CDC42SE2: variants seen among roughly 807,000 people sequenced by gnomAD.
CDC42SE2 encodes the protein CDC42 small effector protein 2.
Under a neutral mutation model 11.5 loss-of-function variants are expected in CDC42SE2, and 3 were observed. That is an observed-to-expected ratio of 0.26 (90% CI 0.12 to 0.67). CDC42SE2 has a LOEUF of 0.67. Among genes scored for constraint, CDC42SE2 ranks in the 30% least tolerant of loss-of-function variants. The probability of loss-of-function intolerance (pLI) is 0.80; values close to 1 mark genes in which losing one functional copy is unlikely to be tolerated. For synonymous variants in CDC42SE2, 33 were observed against 34.8 expected (o/e 0.95, Z 0.18); for missense variants, 82 against 106.8 (o/e 0.77, Z 1.02).
intron 4 of CDC42SE2, among the ~76,000 whole-genome samples, chr5:131,389,558 T>G (rs2149791231): frequency 6.6e-6 from 1 of 152,326 alleles, no homozygotes; most frequent in South Asian, 2.1e-4. Flanking sequence ...CATTTTCTGT[T>G]TTGCCATTAT....
chr5:131,369,698 A>T (rs772173495), intron 3 of CDC42SE2, among the ~76,000 whole-genome samples: 7 of 152,184 alleles, frequency 4.6e-5, no homozygotes, highest in Non-Finnish European at 1.0e-4. Context: ...TGACTTATTA[A>T]TAGGTTGTGA....
intron 2 of CDC42SE2, among the ~76,000 whole-genome samples, chr5:131,335,581 GTTA>G (rs1758536644): frequency 6.6e-6 from 1 of 152,014 alleles, no homozygotes; most frequent in African/African-American, 2.4e-5. Context: ...AAAGTCTCCC[GTTA>G]TTATCGTGTG....
chr5:131,221,801 T>C, the CDC42SE2 span, among the ~76,000 whole-genome samples: 1 of 152,196 alleles, frequency 6.6e-6, no homozygotes, highest in African/African-American at 2.4e-5. Context: ...TTTCTCATTT[T>C]TTCACCTTCA....
intron 2 of CDC42SE2, among the ~76,000 whole-genome samples, chr5:131,355,946 C>G (rs548226928): frequency 1.6e-4 from 24 of 152,250 alleles, no homozygotes; most frequent in African/African-American, 5.8e-4. Context: ...ATTTTGAGTA[C>G]AGAATACTAT....
At chr5:131,359,989 G>T (rs759003871) in intron 3 of CDC42SE2, among the ~76,000 whole-genome samples, 1 of 152,154 alleles carries the variant, frequency 6.6e-6, no homozygotes, top group Admixed American at 6.5e-5. Flanking sequence ...GTTGAAACAG[G>T]TTCAGTTTTT....
At chr5:131,276,271 A>C (rs1248791075) in intron 1 of CDC42SE2, among the ~76,000 whole-genome samples, 1 of 111,174 alleles carries the variant, frequency 9.0e-6, no homozygotes, top group Admixed American at 9.5e-5. Context: ...ACGAGGCGAA[A>C]CCCCATCTAC....
the CDC42SE2 span, among the ~76,000 whole-genome samples, chr5:131,229,655 C>T: frequency 3.9e-5 from 6 of 152,230 alleles, no homozygotes; most frequent in East Asian, 1.9e-4. Flanking sequence ...AGAGAAAGGC[C>T]GGGCATAGTG....
At chr5:131,312,659 C>A (rs1757948742) in intron 1 of CDC42SE2, among the ~76,000 whole-genome samples, 1 of 152,146 alleles carries the variant, frequency 6.6e-6, no homozygotes, top group Non-Finnish European at 1.5e-5. Flanking sequence ...GTTTTTTAAG[C>A]CCCTCGGAAA....
chr5:131,351,299 G>A (rs1485797396), intron 2 of CDC42SE2, among the ~76,000 whole-genome samples: 1 of 151,812 alleles, frequency 6.6e-6, no homozygotes, highest in African/African-American at 2.4e-5. Context: ...CTGTTGCCCA[G>A]GCTGGAGTGC....
chr5:131,300,559 C>T (rs545793863), intron 1 of CDC42SE2, among the ~76,000 whole-genome samples: 117 of 151,988 alleles, frequency 7.7e-4, no homozygotes, highest in South Asian at 6.2e-3. Context: ...CCGAGGCGGG[C>T]GGATCATGAG....
At chr5:131,342,958 C>T (rs972240014) in intron 2 of CDC42SE2, among the ~76,000 whole-genome samples, 1 of 152,010 alleles carries the variant, frequency 6.6e-6, no homozygotes, top group Non-Finnish European at 1.5e-5. Context: ...GGTGATCCAC[C>T]CACTTCAGCT....
intron 3 of CDC42SE2, among the ~76,000 whole-genome samples, chr5:131,365,784 C>T (rs1440439270): frequency 1.3e-5 from 2 of 152,102 alleles, no homozygotes; most frequent in Non-Finnish European, 2.9e-5. Flanking sequence ...AGATCGAGAC[C>T]ATCCTGGCTA....
At chr5:131,333,594 C>T (rs1040322126) in intron 2 of CDC42SE2, among the ~76,000 whole-genome samples, 2 of 152,176 alleles carry the variant, frequency 1.3e-5, no homozygotes, top group Admixed American at 6.5e-5. Flanking sequence ...TTTTCCTACC[C>T]ATGAGCATGG....
At chr5:131,261,037 AGGCCAATGT>A (rs1326531904), upstream of CDC42SE2, among the ~76,000 whole-genome samples, 1 of 152,282 alleles carries the variant, frequency 6.6e-6, no homozygotes, top group East Asian at 1.9e-4. Context: ...TTGCAGAATC[AGGCCAATGT>A]GGCTGTTATA....
chr5:131,288,982 G>A (rs952895357), intron 1 of CDC42SE2, among the ~76,000 whole-genome samples: 1 of 152,142 alleles, frequency 6.6e-6, no homozygotes, highest in Admixed American at 6.5e-5. Flanking sequence ...GTGTCAGCAA[G>A]TTAGGGTAAT....
the CDC42SE2 span, among the ~76,000 whole-genome samples, chr5:131,215,866 C>T: frequency 7.3e-4 from 111 of 152,258 alleles, 1 homozygote; most frequent in African/African-American, 2.5e-3. Flanking sequence ...TCTCACTGCT[C>T]TTGAAGTGAT....
At chr5:131,276,661 A>G (rs1222502097) in intron 1 of CDC42SE2, among the ~76,000 whole-genome samples, 1 of 151,892 alleles carries the variant, frequency 6.6e-6, no homozygotes, top group African/African-American at 2.4e-5. Flanking sequence ...GGGTGTGTAT[A>G]TATATCTTTA....
At chr5:131,310,305 TGA>T (rs1757876160) in intron 1 of CDC42SE2, among the ~76,000 whole-genome samples, 1 of 151,956 alleles carries the variant, frequency 6.6e-6, no homozygotes, top group African/African-American at 2.4e-5. Flanking sequence ...CACTGTGGTC[TGA>T]GAGATAGTTT....
chr5:131,294,766 C>G (rs1322532034), intron 1 of CDC42SE2, among the ~76,000 whole-genome samples: 2 of 151,940 alleles, frequency 1.3e-5, no homozygotes, highest in Non-Finnish European at 2.9e-5. Context: ...CTGAGGCGGG[C>G]AGATCACTTG....
Sources: gnomAD v4.1 joint callset for allele counts (sites outside exome capture counted in the v4.1 genomes callset) on GRCh38, gnomAD v4.1.1 for gene constraint, MANE v1.5 for transcripts, NCBI Gene and HGNC (gene_info 2026-07-23, HGNC 2026-07-21) for gene names.